Variants in MAP2 observed in about 807,000 individuals in gnomAD.
MAP2 encodes microtubule associated protein 2.
MAP2 carries 14 observed loss-of-function variants against 137.6 expected under a neutral mutation model. The ratio of observed to expected loss-of-function variants is 0.10; its 90% CI spans 0.07 to 0.16. The LOEUF (loss-of-function observed/expected upper bound fraction) is 0.16, where lower values mean the gene tolerates loss of function less well. MAP2 is among the 10% of genes least tolerant of loss of function. The probability of loss-of-function intolerance (pLI) is 1.00; values close to 1 mark genes in which losing one functional copy is unlikely to be tolerated. For synonymous variants in MAP2, 786 were observed against 782.3 expected (o/e 1.00, Z -0.08); for missense variants, 2,088 against 2,191.5 (o/e 0.95, Z 0.94).
intron 7 of MAP2, chr2:209,690,889 G>T (rs1353899571): frequency 1.6e-6 from 2 of 1,240,846 alleles, no homozygotes; most frequent in Non-Finnish European, 2.1e-6. Flanking sequence ...TGTTGCAAAT[G>T]ATCTCTCCAG....
chr2:209,730,035 G>T, intron 15 of MAP2, 73 bp downstream of exon 15: 1 of 1,233,016 alleles, frequency 8.1e-7, no homozygotes, highest in Non-Finnish European at 1.2e-6. Context: ...CATCAAAATA[G>T]GTCCCAGATT....
rs138157736 is a variant in MAP2 at position 209,696,115 on chromosome 2, G to C, written c.3945G>C (p.Glu1315Asp). Reference sequence around the variant, plus strand: ...ACAGCGTGCGTTTTGCAGCCCTAGAGCAGCCTGAGGTGGAAAGGAGACCAT... The same window carrying C: ...ACAGCGTGCGTTTTGCAGCCCTAGACCAGCCTGAGGTGGAAAGGAGACCAT... ...GSHSVRFAAL[E>D]QPEVERRPSP... is the part of the protein sequence containing the mutation. Residue 1315 changes from glutamate to aspartate, a missense_variant, in exon 8 of 16, where the codon GAG (glutamate) becomes GAC (aspartate). This residue lies in a region of MAP2 where 591 missense variants were observed against 642.6 expected (regional missense o/e 0.92). Coordinates refer to ENST00000682079, the MANE Select transcript of MAP2 (RefSeq NM_001375505.1). The C allele has an allele frequency of 6.2e-7, 1 of 1,613,724 alleles. No individual in the cohort carries two copies. Among genetic ancestry groups the C allele is most frequent in the South Asian group, 1.1e-5 (1 of 91,002 alleles).
chr2:209,723,505 A>C (rs2072300184), intron 13 of MAP2: 2 of 755,286 alleles, frequency 2.6e-6, no homozygotes, highest in Non-Finnish European at 4.8e-6. Flanking sequence ...AAGGGAATCT[A>C]AAGCCTCTTT....
intron 3 of MAP2, among the ~76,000 whole-genome samples, chr2:209,583,155 A>ATCTATCTG (rs768600565): frequency 6.6e-6 from 1 of 150,802 alleles, no homozygotes; most frequent in African/African-American, 2.5e-5. Flanking sequence ...CTGTCTATCT[A>ATCTATCTG]TCTATCTATC....
chr2:209,589,162 AG>A (rs1353563337), intron 3 of MAP2, among the ~76,000 whole-genome samples: 1 of 152,168 alleles, frequency 6.6e-6, no homozygotes, highest in Non-Finnish European at 1.5e-5. Context: ...TTAGATTTTA[AG>A]GACAAAAAAA....
intron 3 of MAP2, among the ~76,000 whole-genome samples, chr2:209,593,464 T>C (rs1485078969): frequency 6.7e-6 from 1 of 148,218 alleles, no homozygotes; most frequent in Non-Finnish European, 1.5e-5. Context: ...CTAATGGTTC[T>C]AGGTAAGAGG....
intron 1 of MAP2, among the ~76,000 whole-genome samples, chr2:209,489,430 C>T (rs184122581): frequency 1.6e-4 from 24 of 152,216 alleles, no homozygotes; most frequent in Admixed American, 5.9e-4. Flanking sequence ...CAAAACTGGA[C>T]GGAGAATGAG....
rs141140242 is a variant in MAP2, at chr2:209,616,945, C to T, written c.-106-8108C>T. ...ATAATTATAGACTAGGCGGGGGGAC[C>T]CAGCAAGACCTGTCTGTTCAGATTC... On this transcript the variant is annotated intron_variant, in intron 3 of 15. Coordinates refer to ENST00000682079, the MANE Select transcript of MAP2 (RefSeq NM_001375505.1). 5.7e-3 allele frequency among the ~76,000 whole-genome samples: 870 copies of T among 152,176 alleles called. 4 individuals carry two copies. Among genetic ancestry groups the T allele is most frequent in the Non-Finnish European group, 7.9e-3 (536 of 68,002 alleles).
intron 4 of MAP2, among the ~76,000 whole-genome samples, chr2:209,642,992 A>G (rs1022123798): frequency 3.3e-5 from 5 of 151,914 alleles, no homozygotes; most frequent in Non-Finnish European, 7.4e-5. Flanking sequence ...GAGAAACAAT[A>G]TTTATGTGCT....
intron 2 of MAP2, chr2:209,579,322 AGAT>A (rs1238757738): frequency 6.6e-6 from 1 of 152,022 alleles, no homozygotes; most frequent in Non-Finnish European, 1.5e-5. Context: ...AAAGGAGACC[AGAT>A]GATGACATTC....
intron 3 of MAP2, among the ~76,000 whole-genome samples, chr2:209,618,039 T>G (rs924087243): frequency 2.6e-5 from 4 of 152,268 alleles, no homozygotes; most frequent in African/African-American, 7.2e-5. Flanking sequence ...GAAGCCTTAA[T>G]TAACTATATA....
chr2:209,679,364 T>TAGGC (rs1279728101), intron 6 of MAP2, among the ~76,000 whole-genome samples: 9 of 130,278 alleles, frequency 6.9e-5, no homozygotes, highest in African/African-American at 3.0e-4. Context: ...GATAGATAGA[T>TAGGC]AGGCAGATAG....
In MAP2 at chr2:209,603,420, TG is replaced by T. The variant is rs538836669; in HGVS notation, c.-106-21627del. The stretch of plus-strand genomic sequence containing the variant: ...TGATGTAGAAACTTCGGCGGTGGGA[TG>T]GGGGGCGGTTATCACAAAGGATTAA... On this transcript the variant is annotated intron_variant, in intron 3 of 15. Transcript: ENST00000682079. Among the ~76,000 whole-genome samples the T allele has an allele frequency of 3.7e-4, 57 of 152,182 alleles. No homozygotes were observed. In the South Asian group the frequency reaches 5.8e-3, roughly 16 times the overall value.
rs1170281355 is a variant in MAP2 at position 209,608,460 on chromosome 2, A to AT, written c.-106-16586dup. 1.1e-4 allele frequency among the ~76,000 whole-genome samples: 17 copies of AT among 151,880 alleles called. No homozygotes were observed. The East Asian group carries it at 3.1e-3, about 28-fold the overall frequency. On this transcript the variant is annotated intron_variant, in intron 3 of 15. Transcript: ENST00000682079. ...TGCCACCACACCTGGCTAATTTCTAATTTTTTTGTAGAGATGGGATCTCGC... is the reference window on the plus strand; with the variant it reads ...TGCCACCACACCTGGCTAATTTCTAATTTTTTTTGTAGAGATGGGATCTCGC...
In MAP2 at chr2:209,710,048, C is replaced by G. The variant is rs772577564; in HGVS notation, c.4867C>G (p.Pro1623Ala). The G allele has an allele frequency of 6.2e-7, 1 of 1,614,044 alleles. No individual in the cohort carries two copies. The stretch of plus-strand genomic sequence containing the variant: ...AGGCACTCCTGGAACCCCTAGCTAT[C>G]CCAGGACCCCTCACACACCAGGAAC... Reference protein sequence around the residue: ...TPGTPGTPSYPRTPHTPGTPK... With the variant: ...TPGTPGTPSYARTPHTPGTPK... Residue 1623 changes from proline (P) to alanine (A), a missense_variant, in exon 13 of 16, where the codon CCC (proline) becomes GCC (alanine). By Grantham distance (27) the Pro-to-Ala change is conservative. Coordinates refer to ENST00000682079, the MANE Select transcript of MAP2 (RefSeq NM_001375505.1).
At chr2:209,439,215 T>G (rs1354493024) in intron 1 of MAP2, among the ~76,000 whole-genome samples, 3 of 151,628 alleles carry the variant, frequency 2.0e-5, no homozygotes, top group Admixed American at 6.6e-5. Context: ...TGCTGTTATT[T>G]CTGTGTACCC....
chr2:209,700,846 TAAC>T (rs948381883), intron 11 of MAP2, among the ~76,000 whole-genome samples: 46 of 152,160 alleles, frequency 3.0e-4, no homozygotes, highest in African/African-American at 1.1e-3. Context: ...TTTATAGGCT[TAAC>T]AACAAAAATG....
Position 209,617,247 on chromosome 2 carries a change from T to C in MAP2, c.-106-7806T>C, listed in dbSNP as rs114870272. Among the ~76,000 whole-genome samples, 1,339 of 152,234 alleles carry C rather than the reference T, an allele frequency of 8.8e-3. 10 individuals are homozygous for C. The highest frequency in any genetic ancestry group is 0.017 in the Middle Eastern group (5 of 294). On this transcript the variant is annotated intron_variant, in intron 3 of 15. Coordinates refer to ENST00000682079, the MANE Select transcript of MAP2 (RefSeq NM_001375505.1). ...CAGGAGAAGATCAGAAAGAAACTGC[T>C]TCCTAGGCCTTCATTTTGGGTTATT... is the stretch of plus-strand genomic sequence containing the variant.
rs538080079 is a variant in MAP2 at position 209,542,036 on chromosome 2, G to A, written c.-172+34395G>A. On this transcript the variant is annotated intron_variant, in intron 2 of 15. Transcript: ENST00000682079. ...ATATCCATCAGAGGATGCACAATCT[G>A]TGGTAGCTACAGCCTTATGAAATGC... is the stretch of plus-strand genomic sequence containing the variant. Among the ~76,000 whole-genome samples the A allele has an allele frequency of 2.6e-5, 4 of 152,312 alleles. No homozygotes were observed. The East Asian group carries it at 7.7e-4, about 29-fold the overall frequency.
Sources: allele counts gnomAD v4.1 joint callset (sites outside exome capture counted in the v4.1 genomes callset), GRCh38; gene constraint gnomAD v4.1.1; regional missense constraint gnomAD v4.1.1; transcripts MANE v1.5; gene names NCBI Gene and HGNC (gene_info 2026-07-23, HGNC 2026-07-21).